Variants in SLC9A9 observed in about 807,000 individuals in gnomAD.
SLC9A9 encodes the protein solute carrier family 9 member A9, also known as sodium/hydrogen exchanger 9.
A neutral mutation model predicts 77.8 loss-of-function variants in SLC9A9; 62 were observed. That is an observed-to-expected ratio of 0.80 (90% confidence interval 0.65 to 0.98). SLC9A9 has a LOEUF of 0.98. SLC9A9 is among the 50% of genes least tolerant of loss of function. The pLI is 0.00. For missense variants in SLC9A9, 775 were observed against 774.9 expected (o/e 1.00, Z 0.00); for synonymous variants, 320 against 283.5 (o/e 1.13, Z -1.29).
At chr3:143,756,764 A>G (rs2006938135) in intron 4 of SLC9A9, among the ~76,000 whole-genome samples, 1 of 152,228 alleles carries the variant, frequency 6.6e-6, no homozygotes. Context: ...CTATCTCACC[A>G]AATGTGTATG....
chr3:143,631,339 G>A (rs1476317395), intron 6 of SLC9A9, among the ~76,000 whole-genome samples: 1 of 152,138 alleles, frequency 6.6e-6, no homozygotes, highest in African/African-American at 2.4e-5. Flanking sequence ...AAGGGAATCA[G>A]AACTATATCT....
At chr3:143,578,792 C>T (rs879277660) in intron 6 of SLC9A9, 69 bp from the exon 7 acceptor site, 114 of 1,581,708 alleles carry the variant, frequency 7.2e-5, no homozygotes, top group Admixed American at 2.8e-4. Context: ...ATTTCGCACC[C>T]ACTTTGGGGA....
intron 5 of SLC9A9, among the ~76,000 whole-genome samples, chr3:143,663,452 G>A (rs2039012759): frequency 6.6e-6 from 1 of 152,238 alleles, no homozygotes; most frequent in Non-Finnish European, 1.5e-5. Flanking sequence ...AACAAAGCTG[G>A]ATGGAGAACG....
chr3:143,331,286 G>A (rs990924482), intron 14 of SLC9A9, among the ~76,000 whole-genome samples: 1 of 152,194 alleles, frequency 6.6e-6, no homozygotes, highest in African/African-American at 2.4e-5. Flanking sequence ...CATGGGTAAG[G>A]AGAACATGTG....
rs1225607539 is a variant in SLC9A9, at chr3:143,750,127, A to C, written c.533+44874T>G. Among the ~76,000 whole-genome samples the C allele has an allele frequency of 2.6e-5, 4 of 152,198 alleles. No individual in the cohort carries two copies. In the East Asian group the frequency reaches 7.7e-4, roughly 29 times the overall value. ...AAGTCAGCTTCCTGGTTAAATGCATAATGCCGTATTGTCTTGATACAGCAG... is the reference window on the plus strand; with the variant it reads ...AAGTCAGCTTCCTGGTTAAATGCATCATGCCGTATTGTCTTGATACAGCAG... On this transcript the variant is annotated intron_variant, in intron 4 of 15. Coordinates refer to ENST00000316549, the MANE Select transcript of SLC9A9 (RefSeq NM_173653.4).
intron 1 of SLC9A9, among the ~76,000 whole-genome samples, chr3:143,846,745 T>G (rs2108902503): frequency 8.0e-6 from 1 of 124,666 alleles, no homozygotes; most frequent in Admixed American, 8.3e-5. Flanking sequence ...TTTTTTTTTT[T>G]GCATTTGGGT....
chr3:143,822,163 G>A (rs1348885532), intron 2 of SLC9A9, among the ~76,000 whole-genome samples: 1 of 152,170 alleles, frequency 6.6e-6, no homozygotes, highest in Non-Finnish European at 1.5e-5. Flanking sequence ...TTCCCAAGGA[G>A]GCAGCCACAA....
chr3:143,505,279 A>G (rs2035992925), intron 9 of SLC9A9, among the ~76,000 whole-genome samples: 1 of 152,182 alleles, frequency 6.6e-6, no homozygotes, highest in Admixed American at 6.5e-5. Context: ...AAGTTTTAAG[A>G]CAAATCCTTT....
At chr3:143,351,592 A>G (rs769841425) in intron 14 of SLC9A9, among the ~76,000 whole-genome samples, 3 of 152,192 alleles carry the variant, frequency 2.0e-5, no homozygotes, top group Non-Finnish European at 4.4e-5. Context: ...GATATCTTCC[A>G]AAGAGTGGGA....
At chr3:143,622,780 G>A (rs1157875852) in intron 6 of SLC9A9, among the ~76,000 whole-genome samples, 3 of 152,154 alleles carry the variant, frequency 2.0e-5, no homozygotes, top group Non-Finnish European at 2.9e-5. Context: ...AACCTTAAAT[G>A]TAAATGGGCT....
chr3:143,608,573 T>C (rs960805414), intron 6 of SLC9A9, among the ~76,000 whole-genome samples: 4 of 152,218 alleles, frequency 2.6e-5, no homozygotes, highest in Non-Finnish European at 4.4e-5. Flanking sequence ...ACAAACAATA[T>C]TCTTAGTTCT....
At chr3:143,332,223 C>T (rs1046373144) in intron 14 of SLC9A9, among the ~76,000 whole-genome samples, 1 of 152,116 alleles carries the variant, frequency 6.6e-6, no homozygotes, top group Non-Finnish European at 1.5e-5. Context: ...TGGCAGATAT[C>T]CCTAAAATGG....
intron 14 of SLC9A9, among the ~76,000 whole-genome samples, chr3:143,300,829 T>G (rs1246176930): frequency 6.6e-6 from 1 of 152,222 alleles, no homozygotes; most frequent in Admixed American, 6.5e-5. Context: ...AAAGTTGAAT[T>G]GATTTGTGTT....
chr3:143,713,190 T>C (rs1456890183), intron 4 of SLC9A9, among the ~76,000 whole-genome samples: 1 of 152,046 alleles, frequency 6.6e-6, no homozygotes, highest in Non-Finnish European at 1.5e-5. Context: ...AAAGGAGTGG[T>C]AGGATGGAGG....
intron 2 of SLC9A9, among the ~76,000 whole-genome samples, chr3:143,818,427 C>A (rs116795611): frequency 0.017 from 2,617 of 152,170 alleles, 80 homozygotes; most frequent in African/African-American, 0.06. Context: ...TTACCTCAGC[C>A]TCCTGAGTAG....
chr3:143,487,352 A>ATTATGTTC (rs1346975206), intron 11 of SLC9A9, among the ~76,000 whole-genome samples: 2 of 151,908 alleles, frequency 1.3e-5, no homozygotes, highest in Non-Finnish European at 3.0e-5. Context: ...TACCACTCTC[A>ATTATGTTC]ATAATGAACA....
chr3:143,334,963 GA>G (rs35558032), intron 14 of SLC9A9, among the ~76,000 whole-genome samples: 82,740 of 149,050 alleles, frequency 0.56, 23,820 homozygotes, highest in African/African-American at 0.72. Flanking sequence ...TAATAGGCAT[GA>G]AAAAAAAAAA....
intron 12 of SLC9A9, among the ~76,000 whole-genome samples, chr3:143,405,994 C>A (rs571789767): frequency 6.6e-6 from 1 of 152,246 alleles, no homozygotes; most frequent in Admixed American, 6.5e-5. Flanking sequence ...GAATGTCTGC[C>A]AAGCTCTGCA....
chr3:143,557,255 C>G (rs559998221), intron 8 of SLC9A9, among the ~76,000 whole-genome samples: 107 of 152,312 alleles, frequency 7.0e-4, no homozygotes, highest in Middle Eastern at 3.4e-3. Flanking sequence ...TGTAAGTTTC[C>G]TGAAGCCTCC....
Sources: gnomAD v4.1 joint callset for allele counts (sites outside exome capture counted in the v4.1 genomes callset) on GRCh38, gnomAD v4.1.1 for gene constraint, MANE v1.5 for transcripts, NCBI Gene and HGNC (gene_info 2026-07-23, HGNC 2026-07-21) for gene names.